Variants in RCAN2 observed in about 807,000 individuals in gnomAD.
RCAN2 encodes calcipressin-2.
In RCAN2, 9 loss-of-function variants were observed where a neutral mutation model predicts 23.6. The ratio of observed to expected loss-of-function variants is 0.38; its 90% CI spans 0.23 to 0.67. The LOEUF is 0.67. Among genes scored for constraint, RCAN2 ranks in the 30% least tolerant of loss-of-function variants. RCAN2 has a pLI of 0.51. For missense variants in RCAN2, 273 were observed against 302.3 expected (o/e 0.90, Z 0.72); for synonymous variants, 109 against 115.7 (o/e 0.94, Z 0.37).
At chr6:46,444,614 A>G (rs981442369) in intron 2 of RCAN2, among the ~76,000 whole-genome samples, 1 of 152,072 alleles carries the variant, frequency 6.6e-6, no homozygotes, top group African/African-American at 2.4e-5. Context: ...TTACCAGGCT[A>G]GCACTCAAAG....
chr6:46,236,315 T>TC (rs1766093559), intron 4 of RCAN2, among the ~76,000 whole-genome samples: 1 of 152,164 alleles, frequency 6.6e-6, no homozygotes, highest in African/African-American at 2.4e-5. Flanking sequence ...AACCACCACT[T>TC]CCCCTTTCTC....
intron 2 of RCAN2, among the ~76,000 whole-genome samples, chr6:46,444,282 G>C (rs1471289083): frequency 1.3e-5 from 2 of 152,144 alleles, no homozygotes; most frequent in Non-Finnish European, 2.9e-5. Flanking sequence ...CATTAGTGAG[G>C]AGCTAGAATG....
At chr6:46,366,040 T>C (rs921290465) in intron 2 of RCAN2, among the ~76,000 whole-genome samples, 1 of 152,170 alleles carries the variant, frequency 6.6e-6, no homozygotes, top group Non-Finnish European at 1.5e-5. Context: ...CTCAAGATTA[T>C]ACAGCTAGAA....
At chr6:46,223,862 C>G (rs1274658175) in intron 4 of RCAN2, among the ~76,000 whole-genome samples, 2 of 152,180 alleles carry the variant, frequency 1.3e-5, no homozygotes, top group East Asian at 3.9e-4. Flanking sequence ...TTCCAAGTGT[C>G]TACATTCTTG....
At chr6:46,243,821 AAAAAAAAAAAAC>A (rs1333600072) in intron 4 of RCAN2, among the ~76,000 whole-genome samples, 3 of 150,932 alleles carry the variant, frequency 2.0e-5, no homozygotes, top group South Asian at 2.1e-4. Context: ...AAAAAAAAAA[AAAAAAAAAAAAC>A]CAAGAAATAA....
intron 2 of RCAN2, among the ~76,000 whole-genome samples, chr6:46,409,248 A>G (rs1766487266): frequency 6.6e-6 from 1 of 152,214 alleles, no homozygotes. Context: ...GTACAGGTAT[A>G]TATGAAAGCA....
At chr6:46,293,058 C>CT (rs1219322862) in intron 2 of RCAN2, among the ~76,000 whole-genome samples, 1 of 152,064 alleles carries the variant, frequency 6.6e-6, no homozygotes, top group African/African-American at 2.4e-5. Context: ...TGAACTCATC[C>CT]TTTTTTAATG....
chr6:46,449,529 G>A (rs1337354268), intron 2 of RCAN2, among the ~76,000 whole-genome samples: 2 of 150,712 alleles, frequency 1.3e-5, no homozygotes, highest in Non-Finnish European at 3.0e-5. Context: ...AACCACAAAG[G>A]ACTCTGAATA....
chr6:46,419,532 G>T (rs1766811745), intron 2 of RCAN2, among the ~76,000 whole-genome samples: 1 of 151,944 alleles, frequency 6.6e-6, no homozygotes, highest in Non-Finnish European at 1.5e-5. Flanking sequence ...GACTTTCCCT[G>T]GGACCCTGTT....
chr6:46,427,309 T>C (rs1422178301), intron 2 of RCAN2, among the ~76,000 whole-genome samples: 1 of 152,218 alleles, frequency 6.6e-6, no homozygotes, highest in Admixed American at 6.5e-5. Context: ...ACTGGTTACA[T>C]GCATGGGCTT....
At position 46,345,300 on chromosome 6, in the gene RCAN2, T is replaced by C. The variant is rs546842349; in HGVS notation, c.226-96404A>G. Among the ~76,000 whole-genome samples the C allele has an allele frequency of 2.6e-5, 4 of 152,176 alleles. No homozygotes were observed. In the East Asian group the frequency reaches 7.7e-4, roughly 29 times the overall value. On this transcript the variant is annotated intron_variant, in intron 2 of 4. Transcript: ENST00000371374. ...GAGAAAAGTACAGATCTACAATCAC[T>C]GTTGGATATTTTAACACCTTTCTCA...
At chr6:46,232,394 G>C (rs532815916) in intron 4 of RCAN2, among the ~76,000 whole-genome samples, 1 of 152,314 alleles carries the variant, frequency 6.6e-6, no homozygotes, top group African/African-American at 2.4e-5. Context: ...AGCTTTATCT[G>C]AGGGTTGTAT....
intron 2 of RCAN2, among the ~76,000 whole-genome samples, chr6:46,284,614 G>T (rs1431894767): frequency 6.6e-6 from 1 of 152,186 alleles, no homozygotes; most frequent in African/African-American, 2.4e-5. Context: ...CTATTCCTAA[G>T]TGGTCCTCAA....
chr6:46,474,319 T>C (rs1294123856), intron 1 of RCAN2, among the ~76,000 whole-genome samples: 1 of 151,666 alleles, frequency 6.6e-6, no homozygotes, highest in Non-Finnish European at 1.5e-5. Context: ...ACTACAGGAG[T>C]CCTGACTGAC....
At chr6:46,476,776 C>T (rs2150444735) in intron 1 of RCAN2, among the ~76,000 whole-genome samples, 2 of 152,234 alleles carry the variant, frequency 1.3e-5, no homozygotes, top group East Asian at 3.9e-4. Context: ...TCTTCTCTTA[C>T]TCATTGCAAG....
chr6:46,365,603 C>T (rs1311545134), intron 2 of RCAN2, among the ~76,000 whole-genome samples: 1 of 152,218 alleles, frequency 6.6e-6, no homozygotes, highest in Non-Finnish European at 1.5e-5. Flanking sequence ...AGGTATATGA[C>T]AAAATATTGC....
chr6:46,255,141 T>C (rs886290159), intron 2 of RCAN2, among the ~76,000 whole-genome samples: 1 of 152,170 alleles, frequency 6.6e-6, no homozygotes, highest in Non-Finnish European at 1.5e-5. Context: ...CAGAACCAGA[T>C]GACTCTGGGA....
intron 4 of RCAN2, among the ~76,000 whole-genome samples, chr6:46,241,957 C>T (rs1021849688): frequency 3.3e-5 from 5 of 152,092 alleles, no homozygotes; most frequent in African/African-American, 1.2e-4. Flanking sequence ...ATTTTACTTA[C>T]TCTCTGGATC....
intron 1 of RCAN2, among the ~76,000 whole-genome samples, chr6:46,467,771 C>T (rs1415734318): frequency 6.6e-6 from 1 of 152,262 alleles, no homozygotes; most frequent in Non-Finnish European, 1.5e-5. Flanking sequence ...CTCCCTCTCA[C>T]CTACTCCAAA....
Sources: allele counts gnomAD v4.1 joint callset (sites outside exome capture counted in the v4.1 genomes callset), GRCh38; gene constraint gnomAD v4.1.1; transcripts MANE v1.5; gene names NCBI Gene and HGNC (gene_info 2026-07-23, HGNC 2026-07-21).